CDX1: variants seen among roughly 807,000 people sequenced by gnomAD.
CDX1 encodes the protein homeobox protein CDX-1.
In CDX1, 9 loss-of-function variants were observed where a neutral mutation model predicts 16.9. The ratio of observed to expected loss-of-function variants is 0.53; its 90% CI spans 0.32 to 0.93. The LOEUF is 0.93. Ranked by LOEUF, CDX1 falls within the 40% of genes least tolerant of loss-of-function variation. CDX1 has a pLI of 0.04. For synonymous variants in CDX1, 179 were observed against 179.0 expected (o/e 1.00, Z 0.00); for missense variants, 393 against 386.1 (o/e 1.02, Z -0.15).
chr5:150,170,802 T>G (rs939788984), intron 1 of CDX1, among the ~76,000 whole-genome samples: 25 of 152,212 alleles, frequency 1.6e-4, no homozygotes, highest in Admixed American at 1.4e-3. Flanking sequence ...ATTAATCAGT[T>G]ATGAGTGATC....
At chr5:150,177,178 C>T (rs766299657) in intron 1 of CDX1, among the ~76,000 whole-genome samples, 22 of 152,286 alleles carry the variant, frequency 1.4e-4, no homozygotes, top group Admixed American at 5.2e-4. Flanking sequence ...ATCCTCCCCC[C>T]GGGCAGGCCC....
chr5:150,173,348 C>T (rs774401292), intron 1 of CDX1, among the ~76,000 whole-genome samples: 2 of 152,210 alleles, frequency 1.3e-5, no homozygotes, highest in Non-Finnish European at 2.9e-5. Context: ...GCCCTCTCTG[C>T]CCTCACTCTG....
intron 1 of CDX1, among the ~76,000 whole-genome samples, chr5:150,169,846 G>T (rs1404114211): frequency 6.6e-6 from 1 of 152,094 alleles, no homozygotes; most frequent in Non-Finnish European, 1.5e-5. Flanking sequence ...GACAGTTAGA[G>T]ACCACACATG....
intron 2 of CDX1, 129 bp downstream of exon 2, chr5:150,183,042 C>A: frequency 8.7e-7 from 1 of 1,151,468 alleles, no homozygotes; most frequent in Non-Finnish European, 1.2e-6. Context: ...TGTCACACAG[C>A]ACAGCAGAAA....
rs552082518 is a variant in CDX1, at chr5:150,176,996, G to T, written c.446-5772G>T. 3.9e-5 allele frequency among the ~76,000 whole-genome samples: 6 copies of T among 152,192 alleles called. No homozygotes were observed. In the South Asian group the frequency reaches 8.3e-4, roughly 21 times the overall value. ...GAGCTGGATTTGTGGTCCAGGCCTT[G>T]GGGGGCCAAAGCTGGTCATCCACCA... On this transcript the variant is annotated intron_variant, in intron 1 of 2. Coordinates refer to ENST00000231656, the MANE Select transcript of CDX1 (RefSeq NM_001804.3).
chr5:150,178,660 G>C (rs1394729759), intron 1 of CDX1, among the ~76,000 whole-genome samples: 1 of 152,124 alleles, frequency 6.6e-6, no homozygotes, highest in African/African-American at 2.4e-5. Flanking sequence ...ACATACACTT[G>C]ATAAAGATTT....
intron 1 of CDX1, among the ~76,000 whole-genome samples, chr5:150,182,104 C>T (rs1246803261): frequency 1.3e-5 from 2 of 152,334 alleles, no homozygotes; most frequent in African/African-American, 4.8e-5. Flanking sequence ...CTAGGGAGCC[C>T]ACACCTGGGA....
chr5:150,181,292 G>C (rs760233534), intron 1 of CDX1, among the ~76,000 whole-genome samples: 1 of 152,118 alleles, frequency 6.6e-6, no homozygotes, highest in Admixed American at 6.5e-5. Context: ...TCTTGAGACG[G>C]AGTCTCACTC....
chr5:150,181,918 AG>A, intron 1 of CDX1, among the ~76,000 whole-genome samples: 1 of 152,226 alleles, frequency 6.6e-6, no homozygotes, highest in Non-Finnish European at 1.5e-5. Context: ...GCCTGGACAC[AG>A]GGGGATGTGT....
intron 1 of CDX1, among the ~76,000 whole-genome samples, chr5:150,173,023 C>T (rs1761526623): frequency 6.6e-6 from 1 of 152,152 alleles, no homozygotes; most frequent in African/African-American, 2.4e-5. Context: ...GCCAGACCCT[C>T]CCCATGCCAC....
chr5:150,178,983 A>T (rs1300369714), intron 1 of CDX1, among the ~76,000 whole-genome samples: 1 of 151,872 alleles, frequency 6.6e-6, no homozygotes. Context: ...CTGCTTGTAC[A>T]CGTGTACATT....
At chr5:150,176,119 G>A (rs1045935948) in intron 1 of CDX1, among the ~76,000 whole-genome samples, 1 of 152,166 alleles carries the variant, frequency 6.6e-6, no homozygotes, top group East Asian at 1.9e-4. Context: ...AACCTCAGTA[G>A]AGTGTGACGC....
At chr5:150,169,330 A>G (rs1761474606) in intron 1 of CDX1, among the ~76,000 whole-genome samples, 1 of 152,024 alleles carries the variant, frequency 6.6e-6, no homozygotes, top group Admixed American at 6.5e-5. Context: ...CAGGCAGATG[A>G]GTCTACCCCA....
Position 150,183,401 on chromosome 5 carries a change from G to A in CDX1, c.592-73G>A, listed in dbSNP as rs987533928. ...GGAGAAATAGGGGCTCACTGTCCTC[G>A]TCTCTCCTTCTTGCACTCTCTCTTT... On this transcript the variant is annotated intron_variant, in intron 2 of 2. Transcript: ENST00000231656. 5.1e-5 allele frequency: 69 copies of A among 1,351,838 alleles called. 1 individual carries two copies. Among genetic ancestry groups the A allele is most frequent in the South Asian group, 2.3e-4 (16 of 68,118 alleles). The allele number at this position is 1,351,838 out of a possible 1,614,324, so 83.7% of individuals were successfully genotyped here. A position where few individuals can be genotyped will look rare whatever the true frequency, so the allele number is the denominator to read the frequency against.
intron 1 of CDX1, among the ~76,000 whole-genome samples, chr5:150,175,817 G>A (rs891990538): frequency 6.6e-6 from 1 of 152,204 alleles, no homozygotes; most frequent in Non-Finnish European, 1.5e-5. Flanking sequence ...CCAGGTCAGT[G>A]TGTTCTTGGC....
At chr5:150,170,193 C>T (rs1325275062) in intron 1 of CDX1, among the ~76,000 whole-genome samples, 1 of 152,224 alleles carries the variant, frequency 6.6e-6, no homozygotes, top group Non-Finnish European at 1.5e-5. Context: ...TGATTCTTTG[C>T]AAGAGTGGAA....
At chr5:150,183,379 G>A (rs1752494480) in intron 2 of CDX1, 95 bp from the exon 3 acceptor site, 1 of 1,148,354 alleles carries the variant, frequency 8.7e-7, no homozygotes, top group Non-Finnish European at 1.2e-6. Context: ...GCCACATGGA[G>A]AAATAGGGGC....
At chr5:150,167,522 A>G (rs1761444425) in intron 1 of CDX1, among the ~76,000 whole-genome samples, 3 of 152,184 alleles carry the variant, frequency 2.0e-5, no homozygotes, top group Non-Finnish European at 4.4e-5. Flanking sequence ...AGCACAGCCT[A>G]ACCCTCTCTC....
intron 2 of CDX1, 93 bp downstream of exon 2, chr5:150,183,006 A>G (rs774907045): frequency 5.6e-4 from 792 of 1,414,548 alleles, no homozygotes; most frequent in Non-Finnish European, 6.3e-4. Context: ...TAGAAGGAAA[A>G]CAGAGAGGTT....
Sources: gnomAD v4.1 joint callset for allele counts (sites outside exome capture counted in the v4.1 genomes callset) on GRCh38, gnomAD v4.1.1 for gene constraint, MANE v1.5 for transcripts, NCBI Gene and HGNC (gene_info 2026-07-23, HGNC 2026-07-21) for gene names.